DLG2: variants seen among roughly 807,000 people sequenced by gnomAD.
The protein encoded by DLG2 is discs large MAGUK scaffold protein 2.
DLG2 carries 45 observed loss-of-function variants against 132.5 expected under a neutral mutation model. The observed-to-expected ratio is 0.34, with a 90% CI of 0.27 to 0.44. DLG2 has a LOEUF of 0.44. Ranked by LOEUF, DLG2 falls within the 20% of genes least tolerant of loss-of-function variation. The probability of loss-of-function intolerance (pLI) is 1.00; values close to 1 mark genes in which losing one functional copy is unlikely to be tolerated. For missense variants in DLG2, 1,045 were observed against 1,196.9 expected, an observed-to-expected ratio of 0.87 and a Z score of 1.87; for synonymous variants, 424 against 419.6, an observed-to-expected ratio of 1.01 and a Z score of -0.13.
intron 6 of DLG2, among the ~76,000 whole-genome samples, chr11:84,785,374 G>A (rs1020128770): frequency 1.3e-5 from 2 of 152,058 alleles, no homozygotes; most frequent in Non-Finnish European, 2.9e-5. Context: ...TGATCAAACT[G>A]AGGAGCAATA....
intron 6 of DLG2, among the ~76,000 whole-genome samples, chr11:84,870,445 A>G (rs1439449417): frequency 6.6e-6 from 1 of 152,202 alleles, no homozygotes; most frequent in African/African-American, 2.4e-5. Flanking sequence ...TTTTTTGAAA[A>G]GGCCTGTTAT....
At chr11:85,335,597 A>T (rs2082073549) in intron 3 of DLG2, among the ~76,000 whole-genome samples, 1 of 226 alleles carries the variant, frequency 4.4e-3, no homozygotes, top group East Asian at 0.071. Context: ...CTCTTGTAAG[A>T]GGCCTTATAG....
At chr11:84,512,812 A>G (rs2099260840) in intron 7 of DLG2, among the ~76,000 whole-genome samples, 1 of 152,164 alleles carries the variant, frequency 6.6e-6, no homozygotes, top group Non-Finnish European at 1.5e-5. Flanking sequence ...CAGCCATAAA[A>G]AAGAATGAGA....
chr11:85,306,271 A>G (rs2079935225), intron 3 of DLG2, among the ~76,000 whole-genome samples: 4 of 152,214 alleles, frequency 2.6e-5, no homozygotes. Context: ...ATATTTATTG[A>G]GTACTTTCTA....
In DLG2 at chr11:85,206,258, G is replaced by A. The variant is rs535039775; in HGVS notation, c.187-51607C>T. ...CAGCATCATGCTTCCTGTACAGCATGTGGAACCATGAGTCCATTAAACCTA... is the reference window on the plus strand; with the variant it reads ...CAGCATCATGCTTCCTGTACAGCATATGGAACCATGAGTCCATTAAACCTA... On this transcript the variant is annotated intron_variant, in intron 4 of 27. Transcript: ENST00000376104. Among the ~76,000 whole-genome samples, 9 of 152,274 alleles carry A rather than the reference G, an allele frequency of 5.9e-5. No individual in the cohort carries two copies. The East Asian group carries it at 1.7e-3, about 29-fold the overall frequency.
chr11:83,793,109 T>G (rs911675871), intron 17 of DLG2, among the ~76,000 whole-genome samples: 1 of 152,174 alleles, frequency 6.6e-6, no homozygotes, highest in South Asian at 2.1e-4. Flanking sequence ...TTTTGCTTTT[T>G]TTGTTGTTGT....
At chr11:84,296,395 G>A (rs115475696) in intron 7 of DLG2, among the ~76,000 whole-genome samples, 8 of 152,254 alleles carry the variant, frequency 5.3e-5, no homozygotes, top group African/African-American at 1.9e-4. Context: ...GTTTGGAGGA[G>A]TTGTTAATGA....
intron 4 of DLG2, among the ~76,000 whole-genome samples, chr11:85,247,460 T>C (rs549599026): frequency 3.9e-5 from 6 of 152,094 alleles, no homozygotes; most frequent in Middle Eastern, 3.4e-3. Flanking sequence ...AAATTACAAG[T>C]CCTAAACCCT....
At chr11:84,143,280 CT>C (rs149421356) in intron 9 of DLG2, among the ~76,000 whole-genome samples, 1,859 of 152,138 alleles carry the variant, frequency 0.012, 33 homozygotes, top group African/African-American at 0.043. Context: ...TTTGACAAGG[CT>C]TTTCAGGGGA....
intron 6 of DLG2, among the ~76,000 whole-genome samples, chr11:84,959,674 T>C (rs75769423): frequency 2.0e-5 from 3 of 152,196 alleles, no homozygotes; most frequent in South Asian, 2.1e-4. Context: ...ATATATCACA[T>C]TGATGTTCAG....
At chr11:84,343,704 T>C (rs1203228757) in intron 7 of DLG2, among the ~76,000 whole-genome samples, 1 of 152,196 alleles carries the variant, frequency 6.6e-6, no homozygotes, top group Non-Finnish European at 1.5e-5. Context: ...TGGTACAGGT[T>C]ATGACAATAC....
intron 19 of DLG2, among the ~76,000 whole-genome samples, chr11:83,609,915 A>G (rs142780008): frequency 1.8e-4 from 27 of 152,338 alleles, no homozygotes; most frequent in African/African-American, 6.3e-4. Flanking sequence ...CTCTCTCTGT[A>G]GGACATGTGG....
Position 84,889,921 on chromosome 11 carries a change from C to T in DLG2, c.357+221740G>A, listed in dbSNP as rs574211389. Among the ~76,000 whole-genome samples the T allele has an allele frequency of 6.6e-5, 10 of 152,286 alleles. No individual in the cohort carries two copies. The East Asian group carries it at 1.9e-3, about 30-fold the overall frequency. On this transcript the variant is annotated intron_variant, in intron 6 of 27. Coordinates refer to ENST00000376104, the MANE Select transcript of DLG2 (RefSeq NM_001142699.3). ...ACACCACTGTGGTTCCCTCAGGAAA[C>T]AGATTCTAATCTGGCTTTACATTTT...
intron 6 of DLG2, among the ~76,000 whole-genome samples, chr11:85,024,872 T>C (rs2060383405): frequency 1.3e-5 from 2 of 152,210 alleles, no homozygotes; most frequent in African/African-American, 4.8e-5. Context: ...AAGTTATTCC[T>C]TCCAAGGTGG....
chr11:85,443,806 C>G (rs1457797298), intron 3 of DLG2, among the ~76,000 whole-genome samples: 1 of 152,156 alleles, frequency 6.6e-6, no homozygotes, highest in East Asian at 1.9e-4. Flanking sequence ...GGAATATGTT[C>G]ATAACTAATG....
intron 3 of DLG2, among the ~76,000 whole-genome samples, chr11:85,463,476 A>G (rs1565527469): frequency 6.6e-6 from 1 of 152,232 alleles, no homozygotes; most frequent in Non-Finnish European, 1.5e-5. Context: ...AATGTGTAGA[A>G]TGAATTACCA....
At chr11:84,437,288 A>C (rs1309830170) in intron 7 of DLG2, 2 of 152,050 alleles carry the variant, frequency 1.3e-5, no homozygotes, top group African/African-American at 4.8e-5. Flanking sequence ...GCAGGTTCTC[A>C]CTCCAAGCAA....
intron 3 of DLG2, among the ~76,000 whole-genome samples, chr11:85,431,967 T>A (rs1459858052): frequency 6.6e-6 from 1 of 152,152 alleles, no homozygotes; most frequent in Non-Finnish European, 1.5e-5. Flanking sequence ...GGAGCAGGCA[T>A]CCATCTTTGC....
chr11:84,813,271 G>A (rs976215912), intron 6 of DLG2, among the ~76,000 whole-genome samples: 2 of 151,816 alleles, frequency 1.3e-5, no homozygotes, highest in Non-Finnish European at 2.9e-5. Flanking sequence ...ACTATGAGAG[G>A]TTGCCATTGA....
Sources: gnomAD v4.1 joint callset for allele counts (sites outside exome capture counted in the v4.1 genomes callset) on GRCh38, gnomAD v4.1.1 for gene constraint, MANE v1.5 for transcripts, NCBI Gene and HGNC (gene_info 2026-07-23, HGNC 2026-07-21) for gene names.